The following DNAJC1 variants were observed in gnomAD, a reference collection of about 807,000 sequenced individuals.
DNAJC1 encodes the protein DnaJ heat shock protein family (Hsp40) member C1.
DNAJC1 carries 58 observed loss-of-function variants against 76.6 expected under a neutral mutation model. The observed-to-expected ratio is 0.76, with a 90% CI of 0.61 to 0.94. DNAJC1 has a LOEUF of 0.94. Among genes scored for constraint, DNAJC1 ranks in the 40% least tolerant of loss-of-function variants. The probability of loss-of-function intolerance (pLI) is 0.00; values close to 1 mark genes in which losing one functional copy is unlikely to be tolerated. For missense variants in DNAJC1, 689 were observed against 677.3 expected, an observed-to-expected ratio of 1.02 and a Z score of -0.19; for synonymous variants, 258 against 267.9, an observed-to-expected ratio of 0.96 and a Z score of 0.36.
chr10:21,938,577 G>A (rs1390486414), intron 1 of DNAJC1, among the ~76,000 whole-genome samples: 1 of 152,158 alleles, frequency 6.6e-6, no homozygotes, highest in African/African-American at 2.4e-5. Context: ...TCCTGCCATT[G>A]TAGTAAGAAA....
At chr10:21,763,122 G>T (rs1834260064) in intron 10 of DNAJC1, among the ~76,000 whole-genome samples, 1 of 152,066 alleles carries the variant, frequency 6.6e-6, no homozygotes, top group African/African-American at 2.4e-5. Flanking sequence ...GTAGAGACCG[G>T]GTTTCACTAT....
chr10:21,806,502 C>G (rs1456503767), intron 8 of DNAJC1, among the ~76,000 whole-genome samples: 5 of 151,286 alleles, frequency 3.3e-5, no homozygotes, highest in African/African-American at 1.2e-4. Flanking sequence ...TATTAAAGGG[C>G]TCTCTCTTTT....
intron 7 of DNAJC1, among the ~76,000 whole-genome samples, chr10:21,890,178 G>GA (rs34627233): frequency 0.77 from 116,428 of 151,122 alleles, 45,389 homozygotes; most frequent in East Asian, 0.98. Flanking sequence ...TTGGGAGGCT[G>GA]GGGGGGGGTG....
chr10:21,968,268 T>G (rs527886838), intron 1 of DNAJC1, among the ~76,000 whole-genome samples: 1 of 152,198 alleles, frequency 6.6e-6, no homozygotes, highest in Non-Finnish European at 1.5e-5. Context: ...TATAAACTAT[T>G]AGCTAACATT....
intron 8 of DNAJC1, among the ~76,000 whole-genome samples, chr10:21,828,718 T>G (rs1361858112): frequency 1.3e-5 from 2 of 152,240 alleles, no homozygotes; most frequent in Non-Finnish European, 2.9e-5. Context: ...ATCTAAAACA[T>G]TAGAAAATAA....
At chr10:21,970,020 G>C (rs1177965864) in intron 1 of DNAJC1, among the ~76,000 whole-genome samples, 1 of 152,092 alleles carries the variant, frequency 6.6e-6, no homozygotes, top group African/African-American at 2.4e-5. Context: ...TAGTTTGTAA[G>C]ACTGAGAACT....
At chr10:21,831,547 T>C (rs886385752) in intron 8 of DNAJC1, among the ~76,000 whole-genome samples, 10 of 152,126 alleles carry the variant, frequency 6.6e-5, no homozygotes, top group Non-Finnish European at 1.2e-4. Flanking sequence ...TCCCAGCACT[T>C]TGGGAGGCTG....
intron 8 of DNAJC1, among the ~76,000 whole-genome samples, chr10:21,819,836 A>AAG (rs1254135696): frequency 6.6e-6 from 1 of 152,068 alleles, no homozygotes; most frequent in Non-Finnish European, 1.5e-5. Flanking sequence ...AGGCTGAGGC[A>AAG]AGAGAATCGC....
chr10:21,846,365 T>C (rs1320763156), intron 8 of DNAJC1, among the ~76,000 whole-genome samples: 2 of 151,896 alleles, frequency 1.3e-5, no homozygotes, highest in Admixed American at 6.5e-5. Context: ...TCATTTAATA[T>C]GGCAAAAAAA....
rs775618517 is a variant in DNAJC1, at chr10:21,979,044, G to GT, written c.222+24168dup. Among the ~76,000 whole-genome samples the GT allele has an allele frequency of 4.6e-5, 7 of 151,418 alleles. No individual in the cohort carries two copies. In the South Asian group the frequency reaches 8.3e-4, roughly 18 times the overall value. ...ATTCTTATAATGCAGAGTTAGGTAT[G>GT]TAAGTTCGACTTGATTTTTTTTTCC... On this transcript the variant is annotated intron_variant, in intron 1 of 11. Transcript: ENST00000376980.
chr10:21,984,779 TAAAGA>T (rs1838212677), intron 1 of DNAJC1, among the ~76,000 whole-genome samples: 1 of 152,158 alleles, frequency 6.6e-6, no homozygotes, highest in Non-Finnish European at 1.5e-5. Flanking sequence ...CACTGTACAC[TAAAGA>T]AATTACATTT....
At chr10:21,882,472 AT>A in intron 7 of DNAJC1, 33 bp from the exon 8 acceptor site, 3 of 1,329,804 alleles carry the variant, frequency 2.3e-6, no homozygotes, top group Non-Finnish European at 3.0e-6. Flanking sequence ...AATTATTGAG[AT>A]TTTTAAAGAA....
At chr10:21,768,451 A>G (rs1834327573) in intron 9 of DNAJC1, among the ~76,000 whole-genome samples, 1 of 152,158 alleles carries the variant, frequency 6.6e-6, no homozygotes, top group Non-Finnish European at 1.5e-5. Flanking sequence ...TCTGTTTCAT[A>G]TATTACCCTC....
chr10:21,986,510 T>C (rs905460683), intron 1 of DNAJC1, among the ~76,000 whole-genome samples: 1 of 152,190 alleles, frequency 6.6e-6, no homozygotes, highest in Non-Finnish European at 1.5e-5. Flanking sequence ...GTTGAGGAAA[T>C]TACCTTCTAT....
At position 21,775,331 on chromosome 10, in the gene DNAJC1, C is replaced by CT. The variant is rs34444920; in HGVS notation, c.1099-9023dup. On this transcript the variant is annotated intron_variant, in intron 9 of 11. Transcript: ENST00000376980. ...TCATAAAAACGTTAACTGCAAATGG[C>CT]TTTTTTTTTTTTTTTTTTTTTTTTT... Among the ~76,000 whole-genome samples the CT allele has an allele frequency of 7.2e-3, 354 of 49,488 alleles. 6 individuals carry two copies. Among genetic ancestry groups the CT allele is most frequent in the African/African-American group, 0.021 (294 of 14,060 alleles). 32.5% of individuals were successfully genotyped at this position (49,488 alleles called of 152,430 possible).
In DNAJC1 at chr10:21,826,065, T is replaced by C. The variant is rs200918593; in HGVS notation, c.979-19966A>G. 5.3e-5 allele frequency among the ~76,000 whole-genome samples: 8 copies of C among 152,012 alleles called. No individual in the cohort carries two copies. The East Asian group carries it at 1.6e-3, about 30-fold the overall frequency. Reference sequence around the variant, plus strand: ...CAGCCTGGCCAACATGGCAAAACCCTGTCTCTACTAAAAAGTACAAAAATT... The same window carrying C: ...CAGCCTGGCCAACATGGCAAAACCCCGTCTCTACTAAAAAGTACAAAAATT... On this transcript the variant is annotated intron_variant, in intron 8 of 11. Coordinates refer to ENST00000376980, the MANE Select transcript of DNAJC1 (RefSeq NM_022365.4).
chr10:21,831,657 G>A (rs1835357923), intron 8 of DNAJC1, among the ~76,000 whole-genome samples: 1 of 152,046 alleles, frequency 6.6e-6, no homozygotes, highest in South Asian at 2.1e-4. Flanking sequence ...AGGCATGGTG[G>A]CAGGCGCCTG....
At chr10:21,821,540 A>T (rs956751602) in intron 8 of DNAJC1, among the ~76,000 whole-genome samples, 3 of 152,164 alleles carry the variant, frequency 2.0e-5, no homozygotes, top group Admixed American at 1.3e-4. Flanking sequence ...AACCCATGAG[A>T]AAATCGATGG....
chr10:21,849,246 T>A (rs1440772150), intron 8 of DNAJC1, among the ~76,000 whole-genome samples: 2 of 127,078 alleles, frequency 1.6e-5, no homozygotes, highest in Non-Finnish European at 3.1e-5. Context: ...TGAGCCGAGA[T>A]CGTGCCACTG....
Sources: allele counts gnomAD v4.1 joint callset (sites outside exome capture counted in the v4.1 genomes callset), GRCh38; gene constraint gnomAD v4.1.1; transcripts MANE v1.5; gene names NCBI Gene and HGNC (gene_info 2026-07-23, HGNC 2026-07-21).